EXD2: variants seen among roughly 807,000 people sequenced by gnomAD.
EXD2 encodes the protein exonuclease 3'-5' domain containing 2.
In EXD2, 40 loss-of-function variants were observed where a neutral mutation model predicts 62.5. The observed-to-expected ratio is 0.64, with a 90% CI of 0.50 to 0.83. The LOEUF is 0.83. EXD2 is among the 40% of genes least tolerant of loss of function. EXD2 has a pLI of 0.00. For missense variants in EXD2, 671 were observed against 761.8 expected (o/e 0.88, Z 1.40); for synonymous variants, 239 against 291.9 (o/e 0.82, Z 1.85).
chr14:69,212,699 ATTTT>A (rs71102635), intron 3 of EXD2, among the ~76,000 whole-genome samples: 1,269 of 57,374 alleles, frequency 0.022, 17 homozygotes, highest in African/African-American at 0.096. Flanking sequence ...ATGGTTCTTG[ATTTT>A]TTTTTTTTTT....
intron 4 of EXD2, among the ~76,000 whole-genome samples, chr14:69,229,873 T>C (rs950161950): frequency 2.0e-5 from 3 of 152,358 alleles, no homozygotes; most frequent in East Asian, 1.9e-4. Flanking sequence ...TCTGTACTTA[T>C]CACAATTTTT....
intron 3 of EXD2, among the ~76,000 whole-genome samples, chr14:69,220,784 G>A (rs541469494): frequency 9.7e-4 from 148 of 151,964 alleles, no homozygotes; most frequent in Non-Finnish European, 1.8e-3. Flanking sequence ...CAGGAGAATC[G>A]CTTGAAACCG....
At chr14:69,200,177 A>G (rs2042346510) in intron 1 of EXD2, among the ~76,000 whole-genome samples, 1 of 152,222 alleles carries the variant, frequency 6.6e-6, no homozygotes, top group African/African-American at 2.4e-5. Context: ...ACATGACTAT[A>G]TTGAACCCAG....
intron 3 of EXD2, among the ~76,000 whole-genome samples, chr14:69,217,307 A>G (rs995901290): frequency 6.6e-6 from 1 of 152,148 alleles, no homozygotes; most frequent in Non-Finnish European, 1.5e-5. Flanking sequence ...CTTCCACCTC[A>G]GCCTCCCGAG....
chr14:69,209,415 G>T lies in EXD2; in HGVS notation c.-47-9G>T. ...GTATATAAATATATTTTTGCCATTT[G>T]TTTTGCAGATTGTGGGATTAGTGAT... On this transcript the variant is annotated splice_polypyrimidine_tract_variant and intron_variant, in intron 2 of 9. Coordinates refer to ENST00000685843, the MANE Select transcript of EXD2 (RefSeq NM_001193360.2). 1 of 1,385,924 alleles carries T rather than the reference G, an allele frequency of 7.2e-7. No individual in the cohort carries two copies. The highest frequency in any genetic ancestry group is 9.6e-7 in the Non-Finnish European group (1 of 1,044,478). 85.9% of individuals were successfully genotyped at this position (1,385,924 alleles called of 1,614,324 possible). A position where few individuals can be genotyped will look rare whatever the true frequency, so the allele number is the denominator to read the frequency against.
rs2140063857 is a variant in EXD2, at chr14:69,242,093, T to C, written c.*993T>C. 2.5e-6 allele frequency: 1 copy of C among 398,624 alleles called. No homozygotes were observed. The highest frequency in any genetic ancestry group is 4.4e-5 in the Admixed American group (1 of 22,732). 24.7% of individuals were successfully genotyped at this position (398,624 alleles called of 1,614,324 possible). On this transcript the variant is annotated 3_prime_UTR_variant, in exon 10 of 10. Coordinates refer to ENST00000685843, the MANE Select transcript of EXD2 (RefSeq NM_001193360.2). ...CTGTCTCCTCTGAAGCCTGGGACAC[T>C]GAGCTTACTTAATACATTAGATGTT... is the stretch of plus-strand genomic sequence containing the variant.
At chr14:69,233,760 G>A (rs1422696251) in intron 5 of EXD2, among the ~76,000 whole-genome samples, 2 of 142,606 alleles carry the variant, frequency 1.4e-5, no homozygotes, top group Admixed American at 1.4e-4. Flanking sequence ...TTTTGACCAC[G>A]CTACTTTTTT....
chr14:69,237,219 GA>G (rs2043825563), intron 8 of EXD2, among the ~76,000 whole-genome samples: 1 of 152,210 alleles, frequency 6.6e-6, no homozygotes, highest in Admixed American at 6.5e-5. Context: ...CTTCTTGAGA[GA>G]GTTGTTTTCC....
At chr14:69,201,435 C>T (rs922288380) in intron 1 of EXD2, among the ~76,000 whole-genome samples, 4 of 151,994 alleles carry the variant, frequency 2.6e-5, no homozygotes, top group Admixed American at 6.6e-5. Context: ...GTGATCCTCC[C>T]ACCTTGGCCT....
At chr14:69,199,225 C>G (rs2042308242) in intron 1 of EXD2, among the ~76,000 whole-genome samples, 1 of 152,220 alleles carries the variant, frequency 6.6e-6, no homozygotes, top group African/African-American at 2.4e-5. Flanking sequence ...GCCTGGGCAA[C>G]AGAGTGAGAC....
In EXD2 at chr14:69,201,152, T is replaced by C. The variant is rs1355698962; in HGVS notation, c.-131-2765T>C. Among the ~76,000 whole-genome samples the C allele has an allele frequency of 3.3e-5, 5 of 152,240 alleles. No homozygotes were observed. The East Asian group carries it at 9.6e-4, about 29-fold the overall frequency. On this transcript the variant is annotated intron_variant, in intron 1 of 9. Coordinates refer to ENST00000685843, the MANE Select transcript of EXD2 (RefSeq NM_001193360.2). ...AGTAAGTATTCAAAAATTTGGTGTA[T>C]ATTTTACATGTATAATACATCTTAC...
intron 2 of EXD2, among the ~76,000 whole-genome samples, chr14:69,208,274 G>A (rs1287272550): frequency 7.5e-6 from 1 of 132,692 alleles, no homozygotes; most frequent in Non-Finnish European, 1.5e-5. Flanking sequence ...GCAGTGGCAC[G>A]ATCTCGGCTC....
intron 9 of EXD2, 52 bp downstream of exon 9, chr14:69,237,983 T>C: frequency 6.8e-7 from 1 of 1,466,830 alleles, no homozygotes; most frequent in Non-Finnish European, 9.2e-7. Context: ...CCCTCATTAC[T>C]TAGTGAGAAT....
intron 3 of EXD2, among the ~76,000 whole-genome samples, chr14:69,225,717 G>A (rs1250255646): frequency 6.6e-6 from 1 of 152,122 alleles, no homozygotes; most frequent in African/African-American, 2.4e-5. Context: ...TTTCCCATGA[G>A]TAGTGATGTC....
In EXD2 at chr14:69,242,695, T is replaced by A. The variant is rs2044011350; in HGVS notation, c.*1595T>A. 1 of 152,226 alleles carries A rather than the reference T, an allele frequency of 6.6e-6. No homozygotes were observed. The highest frequency in any genetic ancestry group is 2.4e-5 in the African/African-American group (1 of 41,442). The allele number at this position is 152,226 out of a possible 1,614,324, so 9.4% of individuals were successfully genotyped here. A position where few individuals can be genotyped will look rare whatever the true frequency, so the allele number is the denominator to read the frequency against. ...TGGGGTCTCTGCCTCCTGGCTGTGT[T>A]ATGCGGAGCCCAGGAGTGGAGGAGA... On this transcript the variant is annotated 3_prime_UTR_variant, in exon 10 of 10. Transcript: ENST00000685843.
At chr14:69,222,583 T>G (rs1167656506) in intron 3 of EXD2, among the ~76,000 whole-genome samples, 5 of 152,196 alleles carry the variant, frequency 3.3e-5, no homozygotes, top group Admixed American at 1.3e-4. Context: ...TTACCTGATA[T>G]CTAAATATTG....
At chr14:69,210,324 A>G (rs2042764896) in intron 3 of EXD2, 1 of 154,588 alleles carries the variant, frequency 6.5e-6, no homozygotes, top group Non-Finnish European at 1.5e-5. Flanking sequence ...ATTTTAAAAG[A>G]TAACAGTTAA....
At chr14:69,235,267 G>A (rs2043737637) in intron 6 of EXD2, among the ~76,000 whole-genome samples, 1 of 152,172 alleles carries the variant, frequency 6.6e-6, no homozygotes, top group Admixed American at 6.5e-5. Flanking sequence ...GGGTGGAAAT[G>A]AGGAAAGCTT....
Position 69,242,115 on chromosome 14 carries a change from T to A in EXD2, c.*1015T>A, listed in dbSNP as rs1382441247. 3 of 398,472 alleles carry A rather than the reference T, an allele frequency of 7.5e-6. No individual in the cohort carries two copies. The highest frequency in any genetic ancestry group is 1.3e-5 in the Non-Finnish European group (3 of 226,070). The allele number at this position is 398,472 out of a possible 1,614,324, so 24.7% of individuals were successfully genotyped here. ...CACTGAGCTTACTTAATACATTAGA[T>A]GTTCAAAAGAGGAGCGTTGTTTCAT... is the stretch of plus-strand genomic sequence containing the variant. On this transcript the variant is annotated 3_prime_UTR_variant, in exon 10 of 10. Transcript: ENST00000685843.
Sources: gnomAD v4.1 joint callset for allele counts (sites outside exome capture counted in the v4.1 genomes callset) on GRCh38, gnomAD v4.1.1 for gene constraint, MANE v1.5 for transcripts, NCBI Gene and HGNC (gene_info 2026-07-23, HGNC 2026-07-21) for gene names.